The following ATP8A2 variants were observed in gnomAD, a reference collection of about 807,000 sequenced individuals.
ATP8A2 encodes the protein ATPase phospholipid transporting 8A2, also known as phospholipid-transporting ATPase IB.
A neutral mutation model predicts 165.6 loss-of-function variants in ATP8A2; 100 were observed. The observed-to-expected ratio is 0.60, with a 90% confidence interval of 0.51 to 0.71. The LOEUF (loss-of-function observed/expected upper bound fraction) is 0.71, where lower values mean the gene tolerates loss of function less well. ATP8A2 is among the 30% of genes least tolerant of loss of function. The pLI, the probability that ATP8A2 is intolerant of heterozygous loss-of-function variation, is 0.00. For synonymous variants in ATP8A2, 543 were observed against 548.8 expected, an observed-to-expected ratio of 0.99 and a Z score of 0.15; for missense variants, 1,227 against 1,479.5, an observed-to-expected ratio of 0.83 and a Z score of 2.80.
At chr13:25,900,187 C>G (rs919524866) in intron 33 of ATP8A2, among the ~76,000 whole-genome samples, 8 of 152,114 alleles carry the variant, frequency 5.3e-5, no homozygotes, top group Admixed American at 1.3e-4. Flanking sequence ...GCTGGAAATA[C>G]ATATTTAATG....
intron 35 of ATP8A2, among the ~76,000 whole-genome samples, chr13:25,996,017 T>C (rs1268228959): frequency 1.3e-5 from 2 of 152,206 alleles, no homozygotes; most frequent in Non-Finnish European, 2.9e-5. Context: ...CCTTTTGTCA[T>C]TGCATAATGT....
At chr13:25,378,197 C>G (rs1195629326) in intron 1 of ATP8A2, among the ~76,000 whole-genome samples, 1 of 152,054 alleles carries the variant, frequency 6.6e-6, no homozygotes, top group African/African-American at 2.4e-5. Flanking sequence ...CCAATATTAC[C>G]ATAGATACAT....
At chr13:25,867,433 C>T (rs989398307) in intron 33 of ATP8A2, among the ~76,000 whole-genome samples, 1 of 152,114 alleles carries the variant, frequency 6.6e-6, no homozygotes, top group Non-Finnish European at 1.5e-5. Flanking sequence ...AAGTAGGTGG[C>T]CATCTTTGCT....
intron 35 of ATP8A2, among the ~76,000 whole-genome samples, chr13:26,012,208 G>C (rs1270679658): frequency 6.6e-6 from 1 of 152,186 alleles, no homozygotes. Context: ...GCGCGGAGAT[G>C]TTTACCCGGA....
intron 1 of ATP8A2, among the ~76,000 whole-genome samples, chr13:25,455,395 A>C (rs557389251): frequency 1.6e-4 from 24 of 152,286 alleles, no homozygotes; most frequent in African/African-American, 5.8e-4. Flanking sequence ...GCTCATTTGT[A>C]AGTAGTGCCT....
chr13:25,681,223 G>A (rs1376787224), intron 24 of ATP8A2, among the ~76,000 whole-genome samples: 1 of 152,164 alleles, frequency 6.6e-6, no homozygotes, highest in Non-Finnish European at 1.5e-5. Context: ...CAGATACCCG[G>A]CATGCTTGAC....
chr13:25,822,846 T>G (rs2138576845), intron 27 of ATP8A2, among the ~76,000 whole-genome samples: 1 of 152,338 alleles, frequency 6.6e-6, no homozygotes, highest in Admixed American at 6.5e-5. Flanking sequence ...CTTCCAATGC[T>G]TTCAGAGTTT....
Position 25,896,339 on chromosome 13 carries a change from G to A in ATP8A2, c.3183+33931G>A, listed in dbSNP as rs940672761. 1.9e-4 allele frequency among the ~76,000 whole-genome samples: 29 copies of A among 152,244 alleles called. 1 individual carries two copies. The South Asian group carries it at 3.7e-3, about 20-fold the overall frequency. On this transcript the variant is annotated intron_variant, in intron 33 of 36. Transcript: ENST00000381655. ...TTGTTCAGTTTCCATGTAGTTGAGC[G>A]GTTTTCAGTGAGTTTCTTAATCCTG...
intron 1 of ATP8A2, among the ~76,000 whole-genome samples, chr13:25,419,013 A>G (rs1321520568): frequency 6.6e-6 from 1 of 152,138 alleles, no homozygotes; most frequent in African/African-American, 2.4e-5. Flanking sequence ...GGGAGGGGGA[A>G]GAAGGATGTG....
At chr13:25,566,102 T>C (rs66463221) in intron 16 of ATP8A2, among the ~76,000 whole-genome samples, 18,685 of 152,148 alleles carry the variant, frequency 0.12, 1,358 homozygotes, top group Non-Finnish European at 0.18. Context: ...CTTTTCTCTA[T>C]TGAAGTTAGT....
intron 24 of ATP8A2, among the ~76,000 whole-genome samples, chr13:25,680,669 T>C (rs2042467247): frequency 6.6e-6 from 1 of 152,066 alleles, no homozygotes; most frequent in Non-Finnish European, 1.5e-5. Context: ...TGTTCTGGAG[T>C]GTTCTGTAGC....
intron 24 of ATP8A2, among the ~76,000 whole-genome samples, chr13:25,658,135 A>C (rs887089914): frequency 1.3e-5 from 2 of 152,214 alleles, no homozygotes; most frequent in Admixed American, 6.5e-5. Context: ...AATAACTTAG[A>C]GGTGATGAAC....
At chr13:25,878,728 A>G (rs1006183415) in intron 33 of ATP8A2, among the ~76,000 whole-genome samples, 1 of 152,022 alleles carries the variant, frequency 6.6e-6, no homozygotes, top group Admixed American at 6.5e-5. Flanking sequence ...CTGTGGTTCA[A>G]ACGCCTCTGA....
chr13:25,380,826 G>C (rs911382549), intron 1 of ATP8A2, among the ~76,000 whole-genome samples: 2 of 152,136 alleles, frequency 1.3e-5, no homozygotes, highest in African/African-American at 4.8e-5. Flanking sequence ...GGACTTGTCT[G>C]GTCTTCCAAG....
intron 24 of ATP8A2, among the ~76,000 whole-genome samples, chr13:25,672,057 C>A (rs946663370): frequency 6.6e-6 from 1 of 152,168 alleles, no homozygotes; most frequent in Admixed American, 6.5e-5. Flanking sequence ...ACATGAATAT[C>A]GGGGCAGGTT....
At chr13:25,759,862 A>C (rs922452119) in intron 25 of ATP8A2, among the ~76,000 whole-genome samples, 1 of 152,218 alleles carries the variant, frequency 6.6e-6, no homozygotes, top group African/African-American at 2.4e-5. Context: ...ATCTTAATAC[A>C]TTCCACATCA....
intron 24 of ATP8A2, among the ~76,000 whole-genome samples, chr13:25,621,548 C>CT (rs1483925207): frequency 6.6e-6 from 1 of 152,026 alleles, no homozygotes; most frequent in East Asian, 1.9e-4. Context: ...TCCGTCCTGC[C>CT]TTTTTAGAAT....
intron 33 of ATP8A2, among the ~76,000 whole-genome samples, chr13:25,913,991 C>T (rs1472599039): frequency 6.6e-6 from 1 of 152,164 alleles, no homozygotes; most frequent in Non-Finnish European, 1.5e-5. Flanking sequence ...ACCAGGTGAC[C>T]TCATATGACT....
intron 1 of ATP8A2, among the ~76,000 whole-genome samples, chr13:25,411,399 T>C (rs1048345848): frequency 3.9e-5 from 6 of 152,204 alleles, no homozygotes; most frequent in Non-Finnish European, 5.9e-5. Flanking sequence ...TCCCAACTTA[T>C]CAGGTTACAT....
Sources: gnomAD v4.1 joint callset for allele counts (sites outside exome capture counted in the v4.1 genomes callset) on GRCh38, gnomAD v4.1.1 for gene constraint, MANE v1.5 for transcripts, NCBI Gene and HGNC (gene_info 2026-07-23, HGNC 2026-07-21) for gene names.